MRPL13: variants seen among roughly 807,000 people sequenced by gnomAD.
The protein encoded by MRPL13 is mitochondrial ribosomal protein L13.
Under a neutral mutation model 29.0 loss-of-function variants are expected in MRPL13, and 33 were observed. That is an observed-to-expected ratio of 1.14 (90% confidence interval 0.86 to 1.52). The LOEUF (loss-of-function observed/expected upper bound fraction) is 1.52, where lower values mean the gene tolerates loss of function less well. MRPL13 is among the 40% of genes most tolerant of loss of function. MRPL13 has a pLI of 0.00. For missense variants in MRPL13, 227 were observed against 216.7 expected (o/e 1.05, Z -0.30); for synonymous variants, 77 against 68.4 (o/e 1.13, Z -0.62).
At chr8:120,405,324 C>T (rs1282922527) in intron 6 of MRPL13, among the ~76,000 whole-genome samples, 1 of 152,120 alleles carries the variant, frequency 6.6e-6, no homozygotes, top group Non-Finnish European at 1.5e-5. Context: ...CAACGAAATT[C>T]AAGGTAATAT....
chr8:120,413,689 G>C (rs12334883), intron 6 of MRPL13, among the ~76,000 whole-genome samples: 7 of 152,220 alleles, frequency 4.6e-5, no homozygotes, highest in African/African-American at 1.4e-4. Context: ...GAATCATTAC[G>C]TTTTAGATTA....
chr8:120,397,560 G>A (rs1384383455), intron 6 of MRPL13, among the ~76,000 whole-genome samples: 2 of 152,148 alleles, frequency 1.3e-5, no homozygotes, highest in African/African-American at 4.8e-5. Flanking sequence ...CACTGGACAA[G>A]GAGGAGTCGC....
At chr8:120,433,983 T>A (rs1813024892) in intron 2 of MRPL13, among the ~76,000 whole-genome samples, 1 of 152,112 alleles carries the variant, frequency 6.6e-6, no homozygotes, top group South Asian at 2.1e-4. Flanking sequence ...TAAGCAATTT[T>A]TAGAAATAGG....
chr8:120,411,570 T>C (rs1812739835), intron 6 of MRPL13, among the ~76,000 whole-genome samples: 1 of 152,198 alleles, frequency 6.6e-6, no homozygotes, highest in Non-Finnish European at 1.5e-5. Context: ...TTATATTAAA[T>C]GACTAGTACA....
intron 6 of MRPL13, among the ~76,000 whole-genome samples, chr8:120,410,042 C>T (rs146360672): frequency 1.8e-4 from 28 of 152,272 alleles, no homozygotes; most frequent in Non-Finnish European, 3.7e-4. Flanking sequence ...GGGTTCAAAG[C>T]TCTTTGATAA....
chr8:120,434,201 G>A (rs1813027420), intron 2 of MRPL13, among the ~76,000 whole-genome samples: 1 of 152,036 alleles, frequency 6.6e-6, no homozygotes, highest in Non-Finnish European at 1.5e-5. Context: ...CCGCCTCAAT[G>A]TTTTGGCCCA....
intron 2 of MRPL13, among the ~76,000 whole-genome samples, chr8:120,439,456 GT>G (rs1420832009): frequency 6.6e-6 from 1 of 152,164 alleles, no homozygotes; most frequent in African/African-American, 2.4e-5. Context: ...ATAAAACAAG[GT>G]TATGTATTGA....
intron 6 of MRPL13, among the ~76,000 whole-genome samples, chr8:120,404,239 C>T (rs1452423917): frequency 6.6e-6 from 1 of 152,084 alleles, no homozygotes; most frequent in Non-Finnish European, 1.5e-5. Context: ...AAGTTAATGC[C>T]CCACAAGAAG....
chr8:120,400,741 T>A lies in MRPL13; in HGVS notation c.516-4616A>T, dbSNP rs200267701. On this transcript the variant is annotated intron_variant, in intron 6 of 6. Transcript: ENST00000306185. Reference sequence around the variant, plus strand: ...ATAAATAAATAAATAAATAAATAAATAAAAAAAATAGACTGCTAGTTAGAC... The same window carrying A: ...ATAAATAAATAAATAAATAAATAAAAAAAAAAAATAGACTGCTAGTTAGAC... 2.1e-3 allele frequency among the ~76,000 whole-genome samples: 175 copies of A among 83,136 alleles called. 1 individual carries two copies. The highest frequency in any genetic ancestry group is 6.3e-3 in the African/African-American group (160 of 25,260). The allele number at this position is 83,136 out of a possible 152,430, so 54.5% of individuals were successfully genotyped here.
At chr8:120,440,028 A>T (rs933480780) in intron 2 of MRPL13, among the ~76,000 whole-genome samples, 1 of 152,236 alleles carries the variant, frequency 6.6e-6, no homozygotes, top group East Asian at 1.9e-4. Flanking sequence ...TACTACAGGT[A>T]CTGGGGATAC....
intron 6 of MRPL13, among the ~76,000 whole-genome samples, chr8:120,402,641 G>A (rs1812611915): frequency 6.6e-6 from 1 of 152,160 alleles, no homozygotes; most frequent in South Asian, 2.1e-4. Context: ...AGCATAAATT[G>A]ACAAATGGGA....
chr8:120,409,844 T>A (rs1812721766), intron 6 of MRPL13, among the ~76,000 whole-genome samples: 1 of 152,114 alleles, frequency 6.6e-6, no homozygotes, highest in African/African-American at 2.4e-5. Flanking sequence ...TCATTCCTTA[T>A]CTCCTACCAT....
In MRPL13 at chr8:120,443,324, A is replaced by AAG; in HGVS notation, c.28-17_28-16insCT. 1 of 1,554,462 alleles carries AAG rather than the reference A, an allele frequency of 6.4e-7. No individual in the cohort carries two copies. The highest frequency in any genetic ancestry group is 8.6e-7 in the Non-Finnish European group (1 of 1,157,116). ...TGGCCCATTGCTTGGGGGGGAAAAAAAAAAAAAAGAAGAGGAAAAAATAAA... is the reference window on the plus strand; with the variant it reads ...TGGCCCATTGCTTGGGGGGGAAAAAAAGAAAAAAAAGAAGAGGAAAAAATAAA... On this transcript the variant is annotated splice_polypyrimidine_tract_variant and intron_variant, in intron 1 of 6. Coordinates refer to ENST00000306185, the MANE Select transcript of MRPL13 (RefSeq NM_014078.6).
intron 6 of MRPL13, among the ~76,000 whole-genome samples, chr8:120,397,793 G>A (rs1002076655): frequency 2.0e-5 from 3 of 152,056 alleles, no homozygotes; most frequent in Non-Finnish European, 2.9e-5. Flanking sequence ...CAGCCTGCCA[G>A]CTCCAGGGAG....
At chr8:120,431,254 C>CA (rs930787983) in intron 3 of MRPL13, among the ~76,000 whole-genome samples, 1 of 151,982 alleles carries the variant, frequency 6.6e-6, no homozygotes, top group African/African-American at 2.4e-5. Flanking sequence ...CATTTCTAAC[C>CA]ATAACTTGAG....
intron 6 of MRPL13, among the ~76,000 whole-genome samples, chr8:120,397,379 C>G (rs79637702): frequency 0.018 from 2,761 of 152,212 alleles, 89 homozygotes; most frequent in African/African-American, 0.064. Flanking sequence ...GTTCTGCGGG[C>G]CCCACTTCCA....
At chr8:120,402,505 G>A (rs1371921748) in intron 6 of MRPL13, among the ~76,000 whole-genome samples, 3 of 152,064 alleles carry the variant, frequency 2.0e-5, no homozygotes, top group African/African-American at 7.2e-5. Flanking sequence ...TTAACTCAAG[G>A]TGAATTAAAG....
At chr8:120,400,973 T>G (rs1485727610) in intron 6 of MRPL13, among the ~76,000 whole-genome samples, 3 of 151,964 alleles carry the variant, frequency 2.0e-5, no homozygotes, top group African/African-American at 7.2e-5. Flanking sequence ...AATCCCTGAA[T>G]AGACCCATAA....
intron 1 of MRPL13, among the ~76,000 whole-genome samples, chr8:120,444,777 T>C (rs1813181936): frequency 6.6e-6 from 1 of 152,072 alleles, no homozygotes; most frequent in Non-Finnish European, 1.5e-5. Context: ...GGGCCTACAA[T>C]GCCCTATGTG....
Sources: allele counts gnomAD v4.1 joint callset (sites outside exome capture counted in the v4.1 genomes callset), GRCh38; gene constraint gnomAD v4.1.1; transcripts MANE v1.5; gene names NCBI Gene and HGNC (gene_info 2026-07-23, HGNC 2026-07-21).